Variants in CEP152 observed in about 807,000 individuals in gnomAD.
CEP152 encodes centrosomal protein 152.
A neutral mutation model predicts 188.9 loss-of-function variants in CEP152; 132 were observed. The ratio of observed to expected loss-of-function variants is 0.70; its 90% CI spans 0.61 to 0.81. CEP152 has a LOEUF of 0.81. Ranked by LOEUF, CEP152 falls within the 30% of genes least tolerant of loss-of-function variation. The probability of loss-of-function intolerance (pLI) is 0.00; values close to 1 mark genes in which losing one functional copy is unlikely to be tolerated. For missense variants in CEP152, 1,914 were observed against 1,969.8 expected (o/e 0.97, Z 0.54); for synonymous variants, 649 against 666.6 (o/e 0.97, Z 0.41).
At chr15:48,760,032 T>A in intron 19 of CEP152, 103 bp downstream of exon 19, 1 of 1,463,026 alleles carries the variant, frequency 6.8e-7, no homozygotes, top group Non-Finnish European at 9.5e-7. Context: ...AACATGTTTA[T>A]CCTTCAACAA....
At position 48,796,287 on chromosome 15, in the gene CEP152, T is replaced by TAC. The variant is rs1321721147; in HGVS notation, c.541-128_541-127insGT. 1.8e-3 allele frequency: 1,216 copies of TAC among 692,086 alleles called. 1 individual carries two copies. Among genetic ancestry groups the TAC allele is most frequent in the Middle Eastern group, 0.012 (33 of 2,658 alleles). The allele number at this position is 692,086 out of a possible 1,614,324, so 42.9% of individuals were successfully genotyped here. ...GGTACAGTTCAAAGTTGTTTATATA[T>TAC]ATACACACACACACACACACACACA... On this transcript the variant is annotated intron_variant, in intron 5 of 26. Coordinates refer to ENST00000380950, the MANE Select transcript of CEP152 (RefSeq NM_001194998.2).
intron 9 of CEP152, among the ~76,000 whole-genome samples, chr15:48,788,406 T>C (rs1005390784): frequency 2.1e-5 from 3 of 141,220 alleles, no homozygotes; most frequent in Non-Finnish European, 3.0e-5. Flanking sequence ...CGATCTCAGC[T>C]CACGGCAACC....
rs367871524 is a variant in CEP152 at position 48,791,234 on chromosome 15, T to C, written c.972+3A>G. On this transcript the variant is annotated splice_donor_region_variant and intron_variant, in intron 8 of 26. Transcript: ENST00000380950. Reference sequence around the variant, plus strand: ...TTTACCATACATAAGTTAAAATAGGTACCTGTTCTTCATTGACTTTTAATG... The same window carrying C: ...TTTACCATACATAAGTTAAAATAGGCACCTGTTCTTCATTGACTTTTAATG... 1.3e-5 allele frequency: 21 copies of C among 1,610,148 alleles called. No homozygotes were observed. Among genetic ancestry groups the C allele is most frequent in the Non-Finnish European group, 1.7e-5 (20 of 1,179,078 alleles).
chr15:48,775,000 T>G (rs1250344381), intron 12 of CEP152, among the ~76,000 whole-genome samples: 1 of 149,766 alleles, frequency 6.7e-6, no homozygotes, highest in South Asian at 2.1e-4. Flanking sequence ...AAAGTTAAAA[T>G]AAAAACACAC....
chr15:48,761,881 G>A (rs960114415), intron 18 of CEP152, among the ~76,000 whole-genome samples: 1 of 152,128 alleles, frequency 6.6e-6, no homozygotes, highest in Non-Finnish European at 1.5e-5. Flanking sequence ...AGTTTTGTGA[G>A]TGCCTCAAAG....
At chr15:48,761,691 A>G (rs1049732857) in intron 18 of CEP152, among the ~76,000 whole-genome samples, 3 of 152,200 alleles carry the variant, frequency 2.0e-5, no homozygotes, top group African/African-American at 7.2e-5. Flanking sequence ...CACAAACAGA[A>G]GCTCTTTAGA....
At chr15:48,800,354 C>A (rs940619118) in intron 2 of CEP152, among the ~76,000 whole-genome samples, 1 of 152,136 alleles carries the variant, frequency 6.6e-6, no homozygotes, top group Non-Finnish European at 1.5e-5. Context: ...AGTTTCAGGG[C>A]AGAGAAAAGC....
At chr15:48,803,584 T>C (rs1897806968) in intron 2 of CEP152, among the ~76,000 whole-genome samples, 1 of 152,204 alleles carries the variant, frequency 6.6e-6, no homozygotes, top group African/African-American at 2.4e-5. Context: ...CTATATATCC[T>C]TCCACTCTGC....
chr15:48,803,536 C>T (rs1897803950), intron 2 of CEP152, among the ~76,000 whole-genome samples: 1 of 152,116 alleles, frequency 6.6e-6, no homozygotes, highest in Admixed American at 6.5e-5. Context: ...AAGTTTTTTA[C>T]AAATTTAACC....
intron 1 of CEP152, chr15:48,810,473 A>G (rs1248197020): frequency 2.0e-5 from 3 of 152,298 alleles, no homozygotes; most frequent in Non-Finnish European, 4.4e-5. Context: ...GGGCGGAGCG[A>G]GTAATGCTAA....
At chr15:48,737,358 G>C (rs1160548151), downstream of CEP152, among the ~76,000 whole-genome samples, 1 of 152,058 alleles carries the variant, frequency 6.6e-6, no homozygotes, top group Non-Finnish European at 1.5e-5. Context: ...CCATCGCTAG[G>C]GATCTGAAAA....
downstream of CEP152, among the ~76,000 whole-genome samples, chr15:48,737,019 T>C (rs973507755): frequency 1.3e-5 from 2 of 152,230 alleles, no homozygotes; most frequent in Non-Finnish European, 2.9e-5. Flanking sequence ...AGATGGTTTG[T>C]TCCTTACTAT....
chr15:48,772,306 G>A (rs1895595097), intron 13 of CEP152, among the ~76,000 whole-genome samples, 181 bp downstream of exon 13: 1 of 152,080 alleles, frequency 6.6e-6, no homozygotes, highest in Non-Finnish European at 1.5e-5. Context: ...AGCTACTCAG[G>A]AGGCTGAGGT....
chr15:48,773,549 T>A (rs976504462), intron 12 of CEP152: 3 of 152,046 alleles, frequency 2.0e-5, no homozygotes, highest in Admixed American at 6.6e-5. Context: ...AAAAAGAAGC[T>A]GCACAGAAAA....
At chr15:48,805,714 A>T (rs1897945520) in intron 1 of CEP152, 58 bp from the exon 2 acceptor site, 1 of 1,608,320 alleles carries the variant, frequency 6.2e-7, no homozygotes, top group Non-Finnish European at 8.5e-7. Flanking sequence ...CCCCAGGACA[A>T]ACTACATAAG....
intron 1 of CEP152, among the ~76,000 whole-genome samples, chr15:48,808,026 A>G (rs1020637187): frequency 6.6e-6 from 1 of 152,154 alleles, no homozygotes; most frequent in Non-Finnish European, 1.5e-5. Flanking sequence ...TGAAGAAGGT[A>G]TAAGTTTTCC....
intron 9 of CEP152, among the ~76,000 whole-genome samples, chr15:48,788,168 G>T (rs1287905348): frequency 6.6e-6 from 1 of 152,006 alleles, no homozygotes; most frequent in Admixed American, 6.6e-5. Context: ...GTTTTGGTCT[G>T]GATTTATTCT....
intron 13 of CEP152, among the ~76,000 whole-genome samples, chr15:48,772,169 G>A (rs1179682844): frequency 3.9e-5 from 6 of 152,174 alleles, no homozygotes; most frequent in Non-Finnish European, 5.9e-5. Context: ...CCAACACCTT[G>A]AGAGATTGAG....
intron 2 of CEP152, among the ~76,000 whole-genome samples, chr15:48,731,729 T>G (rs1240555738): frequency 2.0e-5 from 3 of 152,148 alleles, no homozygotes; most frequent in Non-Finnish European, 4.4e-5. Context: ...CAAAATAAAC[T>G]ATCATCAGAG....
Sources: gnomAD v4.1 joint callset for allele counts (sites outside exome capture counted in the v4.1 genomes callset) on GRCh38, gnomAD v4.1.1 for gene constraint, MANE v1.5 for transcripts, NCBI Gene and HGNC (gene_info 2026-07-23, HGNC 2026-07-21) for gene names.